The following C13orf42 variants were observed in gnomAD, a reference collection of about 807,000 sequenced individuals.
C13orf42 encodes chromosome 13 open reading frame 42.
chr13:51,133,857 A>G (rs1953637588), intron 1 of C13orf42, among the ~76,000 whole-genome samples: 1 of 152,202 alleles, frequency 6.6e-6, no homozygotes, highest in Non-Finnish European at 1.5e-5. Flanking sequence ...CTGACTCCAA[A>G]GGGCCTGTGC....
intron 1 of C13orf42, among the ~76,000 whole-genome samples, chr13:51,160,496 C>T (rs1424210236): frequency 6.6e-6 from 1 of 152,136 alleles, no homozygotes; most frequent in Admixed American, 6.5e-5. Context: ...GCAACAAGAG[C>T]AAAACTCCGT....
intron 1 of C13orf42, among the ~76,000 whole-genome samples, chr13:51,119,680 C>T (rs1037760960): frequency 8.5e-5 from 13 of 152,078 alleles, no homozygotes; most frequent in African/African-American, 3.1e-4. Flanking sequence ...TATGATTTCA[C>T]TTATATGAGG....
At chr13:51,101,931 T>C (rs1953297167) in intron 1 of C13orf42, among the ~76,000 whole-genome samples, 1 of 152,174 alleles carries the variant, frequency 6.6e-6, no homozygotes, top group South Asian at 2.1e-4. Context: ...GGAGGAAGTA[T>C]TGTTTCTAGG....
chr13:51,155,569 C>G (rs1433933417), intron 1 of C13orf42, among the ~76,000 whole-genome samples: 2 of 152,210 alleles, frequency 1.3e-5, no homozygotes, highest in Non-Finnish European at 2.9e-5. Context: ...GTGGCTCAGG[C>G]CTCAGAGTGA....
upstream of C13orf42, among the ~76,000 whole-genome samples, chr13:51,111,810 A>G (rs1953437745): frequency 6.6e-6 from 1 of 151,930 alleles, no homozygotes; most frequent in Non-Finnish European, 1.5e-5. Flanking sequence ...GGGCGTTGAC[A>G]GGAGCTCGCA....
chr13:51,084,374 A>T (rs1566121101), intron 3 of C13orf42, 49 bp from the exon 4 acceptor site: 1 of 398,356 alleles, frequency 2.5e-6, no homozygotes, highest in Non-Finnish European at 4.4e-6. Context: ...TTGGCCGGCC[A>T]CACAGAGGGA....
chr13:51,143,606 C>T lies in C13orf42; in HGVS notation n.136+28647G>A, dbSNP rs545134342. Among the ~76,000 whole-genome samples, 17 of 152,244 alleles carry T rather than the reference C, an allele frequency of 1.1e-4. No homozygotes were observed. The East Asian group carries it at 1.5e-3, about 14-fold the overall frequency. The stretch of plus-strand genomic sequence containing the variant: ...TCCTCTCTCAAAGAATGAAGGTTTT[C>T]GCTTTTTTGAAATCCTTGAATTATC... On this transcript the variant is annotated intron_variant and non_coding_transcript_variant, in intron 1 of 4. Transcript: ENST00000433280.
At chr13:51,162,078 C>T (rs1953869301) in intron 1 of C13orf42, 1 of 339,356 alleles carries the variant, frequency 2.9e-6, no homozygotes, top group Non-Finnish European at 5.8e-6. Flanking sequence ...CCAACCTTTA[C>T]ACCGTATTTT....
chr13:51,134,703 C>A (rs2138024653), intron 1 of C13orf42, among the ~76,000 whole-genome samples: 2 of 152,292 alleles, frequency 1.3e-5, no homozygotes, highest in South Asian at 4.2e-4. Context: ...TACCCCAGAG[C>A]AATTTCTGTG....
chr13:51,106,193 G>A lies in C13orf42; in HGVS notation c.414+4603C>T, dbSNP rs538999797. 5.9e-5 allele frequency among the ~76,000 whole-genome samples: 9 copies of A among 152,326 alleles called. No homozygotes were observed. The East Asian group carries it at 1.4e-3, about 23-fold the overall frequency. Reference sequence around the variant, plus strand: ...TGGAGATAAATTCCATCCACGGATTGTGGAAAGAAAACAATTTAAAGCATA... The same window carrying A: ...TGGAGATAAATTCCATCCACGGATTATGGAAAGAAAACAATTTAAAGCATA... On this transcript the variant is annotated intron_variant, in intron 1 of 3. Coordinates refer to ENST00000563710, the MANE Select transcript of C13orf42 (RefSeq NM_001351589.3).
intron 1 of C13orf42, among the ~76,000 whole-genome samples, chr13:51,095,507 T>C (rs1953224146): frequency 6.6e-6 from 1 of 152,136 alleles, no homozygotes; most frequent in African/African-American, 2.4e-5. Context: ...AGTTCTTGGA[T>C]GCTCTGTTTT....
intron 2 of C13orf42, among the ~76,000 whole-genome samples, chr13:51,086,544 A>G (rs1209875805): frequency 6.6e-6 from 1 of 152,008 alleles, no homozygotes; most frequent in African/African-American, 2.4e-5. Flanking sequence ...ACCACACTCA[A>G]AAAGACATAT....
At chr13:51,086,349 CAG>C (rs1299491489) in intron 2 of C13orf42, among the ~76,000 whole-genome samples, 1 of 149,742 alleles carries the variant, frequency 6.7e-6, no homozygotes, top group Non-Finnish European at 1.5e-5. Flanking sequence ...CAAGAAGACA[CAG>C]ATCTATATTT....
At chr13:51,118,834 C>T (rs1052499157) in intron 1 of C13orf42, among the ~76,000 whole-genome samples, 6 of 152,140 alleles carry the variant, frequency 3.9e-5, no homozygotes, top group Admixed American at 1.3e-4. Context: ...CTTGGGCATA[C>T]AGTATGCCCA....
At chr13:51,150,608 A>G (rs1953771286) in intron 1 of C13orf42, among the ~76,000 whole-genome samples, 1 of 152,116 alleles carries the variant, frequency 6.6e-6, no homozygotes, top group African/African-American at 2.4e-5. Context: ...GTATAACAGA[A>G]CCTCTTTCTT....
At chr13:51,132,720 C>A (rs1484166069) in intron 1 of C13orf42, among the ~76,000 whole-genome samples, 1 of 152,106 alleles carries the variant, frequency 6.6e-6, no homozygotes, top group South Asian at 2.1e-4. Context: ...GGCATCTGGA[C>A]TAGAGCAACT....
intron 1 of C13orf42, among the ~76,000 whole-genome samples, chr13:51,110,389 C>T (rs1305026450): frequency 6.6e-6 from 1 of 152,122 alleles, no homozygotes; most frequent in African/African-American, 2.4e-5. Context: ...TCTTCCCCAC[C>T]GAGCTGCTCT....
chr13:51,091,757 A>G (rs1953182300), intron 1 of C13orf42, among the ~76,000 whole-genome samples: 1 of 152,170 alleles, frequency 6.6e-6, no homozygotes, highest in African/African-American at 2.4e-5. Flanking sequence ...CTCCACCTCA[A>G]TGACTGGTTT....
In C13orf42 at chr13:51,110,863, G is replaced by A. The variant is rs1953421550; in HGVS notation, c.347C>T (p.Ser116Leu). The A allele has an allele frequency of 1.5e-5, 6 of 398,700 alleles. No individual in the cohort carries two copies. The East Asian group carries it at 1.8e-4, about 12-fold the overall frequency. 24.7% of individuals were successfully genotyped at this position (398,700 alleles called of 1,614,324 possible). The change falls in exon 1 of 4, where the codon TCA becomes TTA. Residue 116 changes from serine to leucine, a missense_variant. Ser to Leu is a moderately radical substitution (Grantham distance 145). Transcript: ENST00000563710. ...LKPHRTQGISSTSSKSSKGGK... is the reference protein window; with the variant it reads ...LKPHRTQGISLTSSKSSKGGK... ...TCCCTTGGAGGATTTGGAGGAGGTTGAGGAAATCCCCTGGGTGCGGTGGGG... is the reference window on the plus strand; with the variant it reads ...TCCCTTGGAGGATTTGGAGGAGGTTAAGGAAATCCCCTGGGTGCGGTGGGG...
Sources: allele counts gnomAD v4.1 joint callset (sites outside exome capture counted in the v4.1 genomes callset), GRCh38; gene constraint gnomAD v4.1.1; transcripts MANE v1.5; gene names NCBI Gene and HGNC (gene_info 2026-07-23, HGNC 2026-07-21).